Variants in FRMD4A observed in about 807,000 individuals in gnomAD.
The protein encoded by FRMD4A is FERM domain-containing protein 4A.
In FRMD4A, 29 loss-of-function variants were observed where a neutral mutation model predicts 129.1. The ratio of observed to expected loss-of-function variants is 0.22; its 90% CI spans 0.17 to 0.31. The LOEUF (loss-of-function observed/expected upper bound fraction) is 0.31, where lower values mean the gene tolerates loss of function less well. FRMD4A is among the 10% of genes least tolerant of loss of function. The pLI is 1.00. For synonymous variants in FRMD4A, 634 were observed against 571.6 expected, an observed-to-expected ratio of 1.11 and a Z score of -1.56; for missense variants, 1,272 against 1,375.8, an observed-to-expected ratio of 0.92 and a Z score of 1.19.
intron 8 of FRMD4A, among the ~76,000 whole-genome samples, chr10:13,753,351 T>C (rs897753309): frequency 7.2e-5 from 11 of 152,248 alleles, no homozygotes; most frequent in African/African-American, 2.6e-4. Context: ...GGGTCCCATC[T>C]GTCTGAGAAA....
At chr10:14,060,643 G>A (rs1035765784) in intron 2 of FRMD4A, among the ~76,000 whole-genome samples, 2 of 152,136 alleles carry the variant, frequency 1.3e-5, no homozygotes, top group African/African-American at 4.8e-5. Flanking sequence ...AATAATATGT[G>A]TCAAATGCCT....
At chr10:14,306,372 G>A (rs954050708) in intron 2 of FRMD4A, among the ~76,000 whole-genome samples, 1 of 152,200 alleles carries the variant, frequency 6.6e-6, no homozygotes, top group African/African-American at 2.4e-5. Flanking sequence ...TCGTGGGAAA[G>A]TAAAAGTTTA....
Position 13,715,851 on chromosome 10 carries a change from A to G in FRMD4A, c.760-8738T>C, listed in dbSNP as rs539931569. 8.0e-5 allele frequency among the ~76,000 whole-genome samples: 12 copies of G among 149,328 alleles called. No homozygotes were observed. The East Asian group carries it at 2.4e-3, about 29-fold the overall frequency. ...AATTCGGGAGGCGGAGGTTGCAGTG[A>G]GCAGAGACGTGTCACTGCCCTCTGG... On this transcript the variant is annotated intron_variant, in intron 12 of 24. Coordinates refer to ENST00000357447, the MANE Select transcript of FRMD4A (RefSeq NM_018027.5).
intron 3 of FRMD4A, among the ~76,000 whole-genome samples, chr10:13,836,432 T>C (rs1241825174): frequency 6.6e-6 from 1 of 152,100 alleles, no homozygotes; most frequent in Admixed American, 6.5e-5. Context: ...GTAGTTTTCC[T>C]GGGAAGGAAA....
At chr10:13,660,251 G>A (rs2082533672) in intron 20 of FRMD4A, 65 bp downstream of exon 20, 5 of 1,013,092 alleles carry the variant, frequency 4.9e-6, no homozygotes, top group East Asian at 2.4e-5. Context: ...TACTTGGGAC[G>A]GCCCTTTGAT....
intron 2 of FRMD4A, among the ~76,000 whole-genome samples, chr10:13,862,942 T>C (rs2094314080): frequency 6.6e-6 from 1 of 150,820 alleles, no homozygotes; most frequent in Non-Finnish European, 1.5e-5. Flanking sequence ...TGTTTTGTTT[T>C]TTTTTTTGTT....
chr10:13,851,171 G>A (rs1242340845), intron 3 of FRMD4A, among the ~76,000 whole-genome samples: 1 of 152,094 alleles, frequency 6.6e-6, no homozygotes, highest in Non-Finnish European at 1.5e-5. Context: ...CAGAGATCAC[G>A]TCACTGCACT....
chr10:13,646,122 C>G lies in FRMD4A; in HGVS notation c.*916G>C, dbSNP rs1037753392. On this transcript the variant is annotated 3_prime_UTR_variant, in exon 25 of 25. Transcript: ENST00000357447. ...AGTCAGCAACGCCAGCCAAGACTTC[C>G]TCGCCTTTACCGTGGCATTGGGGCA... 1 of 152,606 alleles carries G rather than the reference C, an allele frequency of 6.6e-6. No homozygotes were observed. Among genetic ancestry groups the G allele is most frequent in the Non-Finnish European group, 1.5e-5 (1 of 68,068 alleles). The allele number at this position is 152,606 out of a possible 1,614,324, so 9.5% of individuals were successfully genotyped here. A position where few individuals can be genotyped will look rare whatever the true frequency, so the allele number is the denominator to read the frequency against.
chr10:13,838,539 C>T lies in FRMD4A; in HGVS notation c.111+20308G>A, dbSNP rs557801428. ...ATTGAGTCTCGCTCTGTTGCCCAGG[C>T]TGGAGTGTAGTGGCACGATCTTGCC... On this transcript the variant is annotated intron_variant, in intron 3 of 24. Transcript: ENST00000357447. Among the ~76,000 whole-genome samples the T allele has an allele frequency of 5.3e-4, 80 of 152,074 alleles. 3 individuals are homozygous for T. The highest frequency in any genetic ancestry group is 2.3e-3 in the South Asian group (11 of 4,818).
intron 2 of FRMD4A, among the ~76,000 whole-genome samples, chr10:14,063,579 T>C (rs1398458854): frequency 6.6e-6 from 1 of 151,184 alleles, no homozygotes; most frequent in African/African-American, 2.4e-5. Flanking sequence ...AAAAGTCATA[T>C]ACTTGAATTG....
chr10:13,753,633 C>A (rs915473295), intron 8 of FRMD4A, among the ~76,000 whole-genome samples: 1 of 151,414 alleles, frequency 6.6e-6, no homozygotes, highest in African/African-American at 2.4e-5. Flanking sequence ...CAGCCTCCAC[C>A]TCCCAGGCTC....
chr10:14,105,586 C>T (rs949875028), intron 2 of FRMD4A, among the ~76,000 whole-genome samples: 28 of 152,162 alleles, frequency 1.8e-4, no homozygotes, highest in African/African-American at 6.3e-4. Context: ...GACCATAATG[C>T]CATTCTTATA....
intron 22 of FRMD4A, 127 bp downstream of exon 22, chr10:13,656,509 A>C (rs1406878030): frequency 8.8e-7 from 1 of 1,138,404 alleles, no homozygotes. Flanking sequence ...GCGTTCCCAG[A>C]ATTAATTAAT....
chr10:13,748,431 T>C (rs544828201), intron 8 of FRMD4A, among the ~76,000 whole-genome samples: 3 of 152,286 alleles, frequency 2.0e-5, no homozygotes, highest in African/African-American at 7.2e-5. Context: ...TGTTTGACTG[T>C]TTGCATTTAT....
chr10:13,816,630 A>T (rs2093548423), intron 3 of FRMD4A, among the ~76,000 whole-genome samples: 1 of 152,224 alleles, frequency 6.6e-6, no homozygotes, highest in Non-Finnish European at 1.5e-5. Flanking sequence ...CATTGTTCTG[A>T]AAGTTTCTTA....
At chr10:13,985,791 G>A (rs1245499581) in intron 2 of FRMD4A, among the ~76,000 whole-genome samples, 1 of 152,238 alleles carries the variant, frequency 6.6e-6, no homozygotes, top group Non-Finnish European at 1.5e-5. Context: ...ACAAGCTTTA[G>A]AGCAGGTTTA....
chr10:14,262,011 C>G (rs1159690834), intron 2 of FRMD4A, among the ~76,000 whole-genome samples: 1 of 151,700 alleles, frequency 6.6e-6, no homozygotes, highest in Non-Finnish European at 1.5e-5. Context: ...GTTCCCCTCT[C>G]TCTGCTTCTC....
At chr10:14,222,591 A>G (rs1843297801) in intron 2 of FRMD4A, among the ~76,000 whole-genome samples, 1 of 152,222 alleles carries the variant, frequency 6.6e-6, no homozygotes, top group South Asian at 2.1e-4. Context: ...GCTACTTCTT[A>G]CAAATGATAT....
chr10:14,173,738 C>T lies in FRMD4A; in HGVS notation c.45+156320G>A, dbSNP rs147894516. Among the ~76,000 whole-genome samples, 46 of 152,224 alleles carry T rather than the reference C, an allele frequency of 3.0e-4. 1 individual carries two copies. The East Asian group carries it at 5.4e-3, about 18-fold the overall frequency. ...CCCAAAGCAAGAGTGACTGGAAATC[C>T]TGCTAAAATATGGCTGTCTAATCAA... On this transcript the variant is annotated intron_variant, in intron 2 of 24. Coordinates refer to ENST00000357447, the MANE Select transcript of FRMD4A (RefSeq NM_018027.5).
Sources: gnomAD v4.1 joint callset for allele counts (sites outside exome capture counted in the v4.1 genomes callset) on GRCh38, gnomAD v4.1.1 for gene constraint, MANE v1.5 for transcripts, NCBI Gene and HGNC (gene_info 2026-07-23, HGNC 2026-07-21) for gene names.